CHRNA7: variants seen among roughly 807,000 people sequenced by gnomAD.
CHRNA7 encodes the protein neuronal acetylcholine receptor subunit alpha-7.
CHRNA7 carries 17 observed loss-of-function variants against 48.0 expected under a neutral mutation model. The ratio of observed to expected loss-of-function variants is 0.35; its 90% CI spans 0.24 to 0.53. CHRNA7 has a LOEUF of 0.53. Ranked by LOEUF, CHRNA7 falls within the 20% of genes least tolerant of loss-of-function variation. CHRNA7 has a pLI of 0.92. For synonymous variants in CHRNA7, 75 were observed against 242.3 expected (o/e 0.31, Z 6.41); for missense variants, 155 against 577.7 (o/e 0.27, Z 7.50).
At chr15:32,090,814 A>G (rs1425297868) in intron 2 of CHRNA7, among the ~76,000 whole-genome samples, 1 of 152,198 alleles carries the variant, frequency 6.6e-6, no homozygotes, top group Non-Finnish European at 1.5e-5. Flanking sequence ...CCAATTCTGG[A>G]AATTTCTCAG....
At chr15:32,108,419 G>A (rs936399987) in intron 3 of CHRNA7, among the ~76,000 whole-genome samples, 9 of 152,360 alleles carry the variant, frequency 5.9e-5, no homozygotes, top group East Asian at 1.9e-4. Flanking sequence ...TGTGGAAAAC[G>A]TGTCAGGTGC....
chr15:32,092,616 T>C (rs922498383), intron 2 of CHRNA7, among the ~76,000 whole-genome samples: 1 of 152,260 alleles, frequency 6.6e-6, no homozygotes, highest in African/African-American at 2.4e-5. Context: ...TTTTATGTTA[T>C]ACTTTCCTGA....
chr15:32,078,072 T>A (rs1280604925), intron 2 of CHRNA7, among the ~76,000 whole-genome samples: 1 of 152,188 alleles, frequency 6.6e-6, no homozygotes, highest in Non-Finnish European at 1.5e-5. Context: ...TTGGGTTGCT[T>A]GTTTTCTTTT....
At chr15:32,146,066 A>T (rs575404506) in intron 4 of CHRNA7, among the ~76,000 whole-genome samples, 30 of 152,340 alleles carry the variant, frequency 2.0e-4, no homozygotes, top group African/African-American at 6.3e-4. Flanking sequence ...CCTATGTATA[A>T]GTCTTAACTA....
intron 2 of CHRNA7, among the ~76,000 whole-genome samples, chr15:32,057,873 T>G (rs2049812427): frequency 6.6e-6 from 1 of 152,216 alleles, no homozygotes; most frequent in Non-Finnish European, 1.5e-5. Flanking sequence ...GGCCACATCC[T>G]ATAAACAACT....
intron 3 of CHRNA7, chr15:32,101,632 G>C (rs1169405532): frequency 2.7e-6 from 1 of 367,882 alleles, no homozygotes; most frequent in Non-Finnish European, 4.8e-6. Context: ...GAAGATACAG[G>C]GCTGTGTGTA....
At chr15:32,056,097 A>G (rs1010270763) in intron 2 of CHRNA7, among the ~76,000 whole-genome samples, 1 of 152,138 alleles carries the variant, frequency 6.6e-6, no homozygotes, top group African/African-American at 2.4e-5. Context: ...TAAACTTTCA[A>G]TTGAAGTATG....
intron 2 of CHRNA7, among the ~76,000 whole-genome samples, chr15:32,056,102 A>C (rs1457680472): frequency 6.6e-6 from 1 of 152,202 alleles, no homozygotes; most frequent in African/African-American, 2.4e-5. Flanking sequence ...TTTCAATTGA[A>C]GTATGACATG....
chr15:32,071,246 C>T (rs541218521), intron 2 of CHRNA7, among the ~76,000 whole-genome samples: 2 of 152,250 alleles, frequency 1.3e-5, no homozygotes, highest in Admixed American at 6.5e-5. Context: ...AAAGTTGTTT[C>T]AGCTACTCTT....
intron 2 of CHRNA7, among the ~76,000 whole-genome samples, chr15:32,037,805 T>C (rs1902163040): frequency 6.6e-6 from 1 of 152,050 alleles, no homozygotes; most frequent in South Asian, 2.1e-4. Flanking sequence ...AGATTTTTTT[T>C]TTGGTCAGTT....
chr15:32,074,637 A>ATATTAT (rs113812797), intron 2 of CHRNA7, among the ~76,000 whole-genome samples: 1,763 of 141,740 alleles, frequency 0.012, 27 homozygotes, highest in African/African-American at 0.035. Flanking sequence ...CACATTATTA[A>ATATTAT]TATTATTATT....
intron 2 of CHRNA7, among the ~76,000 whole-genome samples, chr15:32,097,197 C>G (rs1341876749): frequency 6.6e-6 from 1 of 152,142 alleles, no homozygotes; most frequent in Admixed American, 6.5e-5. Flanking sequence ...GGTCTTTTGC[C>G]TGTGTGGACT....
intron 4 of CHRNA7, among the ~76,000 whole-genome samples, chr15:32,138,812 G>A (rs2051323141): frequency 6.6e-6 from 1 of 150,662 alleles, no homozygotes; most frequent in African/African-American, 2.4e-5. Context: ...GGAGTGCAGT[G>A]GTGCGATCTC....
chr15:32,061,611 C>T (rs1454189116), intron 2 of CHRNA7, among the ~76,000 whole-genome samples: 1 of 152,004 alleles, frequency 6.6e-6, no homozygotes, highest in Non-Finnish European at 1.5e-5. Flanking sequence ...AATTTGAGAC[C>T]AGCCTGGCCA....
At chr15:32,059,342 T>C (rs1484891479) in intron 2 of CHRNA7, among the ~76,000 whole-genome samples, 1 of 152,240 alleles carries the variant, frequency 6.6e-6, no homozygotes, top group East Asian at 1.9e-4. Flanking sequence ...GTAGCCAAGA[T>C]AATTGAAATA....
intron 2 of CHRNA7, among the ~76,000 whole-genome samples, chr15:32,076,428 A>G (rs1179889372): frequency 2.6e-5 from 4 of 151,962 alleles, no homozygotes; most frequent in Non-Finnish European, 5.9e-5. Context: ...ATCTATGGTA[A>G]TTTTCTTTGC....
intron 4 of CHRNA7, among the ~76,000 whole-genome samples, chr15:32,129,938 T>C (rs927000741): frequency 5.9e-5 from 9 of 152,036 alleles, no homozygotes; most frequent in African/African-American, 2.2e-4. Context: ...TTCCATTTCC[T>C]TGAGACTTTC....
chr15:32,107,138 T>C (rs1227588949), intron 3 of CHRNA7, among the ~76,000 whole-genome samples: 1 of 152,178 alleles, frequency 6.6e-6, no homozygotes, highest in Non-Finnish European at 1.5e-5. Context: ...ACATCAAACG[T>C]GTGATGACTT....
intron 2 of CHRNA7, among the ~76,000 whole-genome samples, chr15:32,086,689 G>T (rs1477684395): frequency 1.6e-4 from 25 of 152,108 alleles, no homozygotes; most frequent in Non-Finnish European, 2.9e-4. Context: ...CCTCTTCATT[G>T]TAACAGTTTT....
Sources: gnomAD v4.1 joint callset for allele counts (sites outside exome capture counted in the v4.1 genomes callset) on GRCh38, gnomAD v4.1.1 for gene constraint, MANE v1.5 for transcripts, NCBI Gene and HGNC (gene_info 2026-07-23, HGNC 2026-07-21) for gene names.